Variants in EVC observed in about 807,000 individuals in gnomAD.
EVC encodes the protein EvC ciliary complex subunit 1.
Under a neutral mutation model 118.9 loss-of-function variants are expected in EVC, and 116 were observed. The observed-to-expected ratio is 0.98, with a 90% CI of 0.84 to 1.14. EVC has a LOEUF of 1.14. EVC is among the 50% of genes most tolerant of loss of function. The pLI, the probability that EVC is intolerant of heterozygous loss-of-function variation, is 0.00. For missense variants in EVC, 1,401 were observed against 1,246.4 expected, an observed-to-expected ratio of 1.12 and a Z score of -1.87; for synonymous variants, 619 against 534.7, an observed-to-expected ratio of 1.16 and a Z score of -2.18.
intron 5 of EVC, among the ~76,000 whole-genome samples, chr4:5,735,366 A>C (rs1236980336): frequency 1.3e-5 from 2 of 152,212 alleles, no homozygotes; most frequent in South Asian, 4.1e-4. Context: ...CCTAGACCCT[A>C]GTCCACCCTT....
Position 5,749,341 on chromosome 4 carries a change from G to GGAAAAA in EVC, c.1098+1035_1098+1036insGAAAAA, listed in dbSNP as rs778335798. Among the ~76,000 whole-genome samples, 3 of 121,878 alleles carry GGAAAAA rather than the reference G, an allele frequency of 2.5e-5. No individual in the cohort carries two copies. Among genetic ancestry groups the GGAAAAA allele is most frequent in the Admixed American group, 8.6e-5 (1 of 11,686 alleles). 80.0% of individuals were successfully genotyped at this position (121,878 alleles called of 152,430 possible). A position where few individuals can be genotyped will look rare whatever the true frequency, so the allele number is the denominator to read the frequency against. ...TAACACTAACGATAGCTGATGAGCGGAAAAAAAAAAAAAAAAAAAGGTCCC... is the reference window on the plus strand; with the variant it reads ...TAACACTAACGATAGCTGATGAGCGGGAAAAAAAAAAAAAAAAAAAAAAAAGGTCCC... On this transcript the variant is annotated intron_variant, in intron 8 of 20. Transcript: ENST00000264956. The surrounding 1 kb of genome is among the most constrained non-coding windows in gnomAD (Gnocchi z 4.4).
chr4:5,746,031 G>A lies in EVC; in HGVS notation c.939+690G>A, dbSNP rs1233646650. Among the ~76,000 whole-genome samples the A allele has an allele frequency of 3.3e-5, 5 of 152,240 alleles. No individual in the cohort carries two copies. The highest frequency in any genetic ancestry group is 7.3e-5 in the Non-Finnish European group (5 of 68,052). Reference sequence around the variant, plus strand: ...CCTCCGTAGAAGAAGGGACCATGGAGAGGCTGGCCGGGAGAAGTGTGGGTG... The same window carrying A: ...CCTCCGTAGAAGAAGGGACCATGGAAAGGCTGGCCGGGAGAAGTGTGGGTG... On this transcript the variant is annotated intron_variant, in intron 7 of 20. Coordinates refer to ENST00000264956, the MANE Select transcript of EVC (RefSeq NM_153717.3). The surrounding 1 kb of genome is among the most constrained non-coding windows in gnomAD (Gnocchi z 5.8).
chr4:5,824,227 C>T, the EVC span: 4 of 922,316 alleles, frequency 4.3e-6, no homozygotes, highest in South Asian at 5.0e-5. Flanking sequence ...TCTTGTTGCA[C>T]CCAGATAGCT....
intron 17 of EVC, 40 bp from the exon 18 acceptor site, chr4:5,808,161 T>TCCTTCCTCCCTGCCAGCCTGCCTG: frequency 5.2e-6 from 3 of 573,972 alleles, no homozygotes; most frequent in South Asian, 4.7e-5. Flanking sequence ...CTCCCTCCCT[T>TCCTTCCTCCCTGCCAGCCTGCCTG]CCTTCCTCCC....
intron 2 of EVC, among the ~76,000 whole-genome samples, chr4:5,724,475 A>G (rs1725480005): frequency 6.6e-6 from 1 of 152,194 alleles, no homozygotes; most frequent in Non-Finnish European, 1.5e-5. Context: ...TGTTATTCAC[A>G]TCATGTTGAC....
At chr4:5,757,459 GC>G (rs1221028035) in intron 11 of EVC, among the ~76,000 whole-genome samples, 19 of 152,362 alleles carry the variant, frequency 1.2e-4, no homozygotes, top group Admixed American at 3.3e-4. Context: ...TGCTAGGGCT[GC>G]CGTGGTGAAT....
chr4:5,726,847 T>TA (rs1443846306), intron 2 of EVC, among the ~76,000 whole-genome samples: 4 of 151,204 alleles, frequency 2.6e-5, no homozygotes, highest in Non-Finnish European at 4.4e-5. Flanking sequence ...TTGCGATAGT[T>TA]TACTGAGAAT....
chr4:5,784,854 C>T (rs949592768), intron 12 of EVC, among the ~76,000 whole-genome samples: 10 of 152,074 alleles, frequency 6.6e-5, no homozygotes, highest in African/African-American at 9.7e-5. Context: ...GTGATCTGCC[C>T]GCCTTAGCCT....
intron 6 of EVC, 40 bp from the exon 7 acceptor site, chr4:5,745,164 T>A (rs375562419): frequency 3.6e-5 from 57 of 1,599,048 alleles, no homozygotes; most frequent in Non-Finnish European, 3.4e-5. Flanking sequence ...CTAAACTTTT[T>A]CTTTGTTTAT....
intron 11 of EVC, among the ~76,000 whole-genome samples, chr4:5,782,369 G>A (rs1201788702): frequency 1.3e-5 from 2 of 148,304 alleles, no homozygotes; most frequent in Admixed American, 6.8e-5. Context: ...GCCACCATGC[G>A]CAGCTATCTG....
intron 2 of EVC, among the ~76,000 whole-genome samples, chr4:5,722,965 C>G (rs1295110419): frequency 2.0e-5 from 3 of 152,202 alleles, no homozygotes; most frequent in African/African-American, 7.2e-5. Flanking sequence ...GAGCCCGCTC[C>G]TTCCCTGATT....
intron 15 of EVC, among the ~76,000 whole-genome samples, chr4:5,801,540 C>T (rs1362062748): frequency 6.6e-6 from 1 of 152,048 alleles, no homozygotes; most frequent in Non-Finnish European, 1.5e-5. Flanking sequence ...ATTAGCCAGG[C>T]CTGGTGGTGC....
chr4:5,730,872 T>TAG (rs1043697090), intron 3 of EVC, among the ~76,000 whole-genome samples: 17 of 152,000 alleles, frequency 1.1e-4, no homozygotes, highest in Non-Finnish European at 1.3e-4. Context: ...CTGGGCCCTC[T>TAG]AGCCATGCCA....
chr4:5,804,512 G>A (rs1715541920), intron 16 of EVC, among the ~76,000 whole-genome samples: 1 of 152,194 alleles, frequency 6.6e-6, no homozygotes, highest in Non-Finnish European at 1.5e-5. Flanking sequence ...AGGTGGAGCA[G>A]GTGGACAGGG....
intron 2 of EVC, among the ~76,000 whole-genome samples, chr4:5,729,042 A>G (rs1022099044): frequency 3.3e-5 from 5 of 151,816 alleles, no homozygotes; most frequent in Non-Finnish European, 7.4e-5. Context: ...TCATCTGTCT[A>G]CCTATCCATC....
chr4:5,777,726 T>G (rs573157774), intron 11 of EVC, among the ~76,000 whole-genome samples: 6 of 152,300 alleles, frequency 3.9e-5, no homozygotes, highest in Admixed American at 1.3e-4. Flanking sequence ...GAATGTGGGT[T>G]CCATATGCCC....
chr4:5,821,772 G>C, the EVC span: 4 of 1,610,402 alleles, frequency 2.5e-6, no homozygotes, highest in Non-Finnish European at 3.4e-6. This position sits in a 1 kb window ranked among gnomAD's most constrained non-coding sequence, Gnocchi z 4.4. Context: ...AACCGAGGCT[G>C]GTGATGTTGG....
chr4:5,784,414 G>T (rs560718471), intron 12 of EVC, among the ~76,000 whole-genome samples: 1 of 152,186 alleles, frequency 6.6e-6, no homozygotes, highest in Non-Finnish European at 1.5e-5. Flanking sequence ...AGCTGGAAAG[G>T]TCAAGGAGCA....
intron 5 of EVC, among the ~76,000 whole-genome samples, chr4:5,736,906 C>G (rs1018394961): frequency 1.3e-5 from 2 of 152,054 alleles, no homozygotes; most frequent in African/African-American, 4.8e-5. Context: ...AAGAGAGTCG[C>G]GTGTCTCTCA....
Sources: gnomAD v4.1 joint callset for allele counts (sites outside exome capture counted in the v4.1 genomes callset) on GRCh38, gnomAD v4.1.1 for gene constraint, Gnocchi (gnomAD v3.1) non-coding constraint, MANE v1.5 for transcripts, NCBI Gene and HGNC (gene_info 2026-07-23, HGNC 2026-07-21) for gene names.